ZDHHC19: variants seen among roughly 807,000 people sequenced by gnomAD.
The protein encoded by ZDHHC19 is palmitoyltransferase ZDHHC19.
In ZDHHC19, 30 loss-of-function variants were observed where a neutral mutation model predicts 33.9. The ratio of observed to expected loss-of-function variants is 0.88; its 90% CI spans 0.66 to 1.20. ZDHHC19 has a LOEUF of 1.20. ZDHHC19 is among the 50% of genes most tolerant of loss of function. ZDHHC19 has a pLI of 0.00. For synonymous variants in ZDHHC19, 178 were observed against 167.6 expected (o/e 1.06, Z -0.48); for missense variants, 364 against 401.1 (o/e 0.91, Z 0.79).
In ZDHHC19 at chr3:196,208,574, AGAG is replaced by A. The variant is rs1209454506; in HGVS notation, c.409-17_409-15del. ...GTGGTCAAAGTCCTGGGCGACAGGGAGAGGGGCCAGGCTTGAGGACTTCTCCTC... is the reference window on the plus strand; with the variant it reads ...GTGGTCAAAGTCCTGGGCGACAGGGAGGGCCAGGCTTGAGGACTTCTCCTC... On this transcript the variant is annotated splice_polypyrimidine_tract_variant and intron_variant, in intron 3 of 7. Transcript: ENST00000296326. 1 of 1,613,278 alleles carries A rather than the reference AGAG, an allele frequency of 6.2e-7. No homozygotes were observed. Among genetic ancestry groups the A allele is most frequent in the East Asian group, 2.2e-5 (1 of 44,858 alleles).
In ZDHHC19 at chr3:196,208,315, AT is replaced by A. The variant is rs1212097309; in HGVS notation, c.581+72del. On this transcript the variant is annotated intron_variant, in intron 4 of 7. Transcript: ENST00000296326. Reference sequence around the variant, plus strand: ...GGCTTCTCCCTCTAGCCCCGCCCCCATAGCCCCGCCCTCTGCAGCCCCCTCC... The same window carrying A: ...GGCTTCTCCCTCTAGCCCCGCCCCCAAGCCCCGCCCTCTGCAGCCCCCTCC... 4 of 895,990 alleles carry A rather than the reference AT, an allele frequency of 4.5e-6. No individual in the cohort carries two copies. In the East Asian group the frequency reaches 1.9e-4, roughly 42 times the overall value. 55.5% of individuals were successfully genotyped at this position (895,990 alleles called of 1,614,324 possible).
At chr3:196,200,582 C>T (rs1245603059) in intron 5 of ZDHHC19, among the ~76,000 whole-genome samples, 2 of 150,382 alleles carry the variant, frequency 1.3e-5, no homozygotes, top group South Asian at 2.1e-4. Flanking sequence ...TCTCGATCTC[C>T]TGACCTCGTG....
rs1346828469 is a variant in ZDHHC19, at chr3:196,208,555, A to T, written c.414T>A (p.Phe138Leu). Residue 138 changes from phenylalanine (F) to leucine (L), a missense_variant, in exon 4 of 8, where the codon TTT becomes TTA. By Grantham distance (22) the Phe-to-Leu change is conservative. Transcript: ENST00000296326. ...CPWCNICVED[F>L]DHHCKWVNNC... ...TATTGACCCACTTGCAGTGGTGGTC[A>T]AAGTCCTGGGCGACAGGGAGAGGGG... The T allele has an allele frequency of 6.2e-7, 1 of 1,613,884 alleles. No individual in the cohort carries two copies. The highest frequency in any genetic ancestry group is 1.7e-5 in the Admixed American group (1 of 59,996).
chr3:196,206,484 C>G lies in ZDHHC19; in HGVS notation c.687+914G>C, dbSNP rs528071892. ...CCTCCCACCTCAGCCTCTGGAGTAG[C>G]TGGGACTAAAGGCACGTGCCACCGT... On this transcript the variant is annotated intron_variant, in intron 5 of 7. Coordinates refer to ENST00000296326, the MANE Select transcript of ZDHHC19 (RefSeq NM_001039617.2). 1.1e-4 allele frequency among the ~76,000 whole-genome samples: 17 copies of G among 151,876 alleles called. 1 individual carries two copies. The highest frequency in any genetic ancestry group is 5.9e-4 in the East Asian group (3 of 5,116).
At position 196,199,935 on chromosome 3, in the gene ZDHHC19, A is replaced by G. The variant is rs1257516320; in HGVS notation, c.688-1061T>C. ...ACTCCAGCCTGGGCGACAGAGCGAC[A>G]CTCTGGCTCAGAAAAAAGAAACTGG... On this transcript the variant is annotated intron_variant, in intron 5 of 7. Transcript: ENST00000296326. Among the ~76,000 whole-genome samples the G allele has an allele frequency of 2.0e-5, 3 of 151,828 alleles. No individual in the cohort carries two copies. In the East Asian group the frequency reaches 5.8e-4, roughly 29 times the overall value.
rs892626917 is a variant in ZDHHC19 at position 196,200,608 on chromosome 3, C to T, written c.688-1734G>A. Among the ~76,000 whole-genome samples the T allele has an allele frequency of 4.7e-5, 7 of 149,822 alleles. 1 individual carries two copies. The highest frequency in any genetic ancestry group is 1.7e-4 in the African/African-American group (7 of 40,378). On this transcript the variant is annotated intron_variant, in intron 5 of 7. Coordinates refer to ENST00000296326, the MANE Select transcript of ZDHHC19 (RefSeq NM_001039617.2). ...TGACCTCGTGATCCGCCCACCTTGG[C>T]CTCCCAAAGTGCTGGGATTACAAGC...
intron 3 of ZDHHC19, 193 bp from the exon 4 acceptor site, chr3:196,208,753 G>A: frequency 1.6e-6 from 1 of 638,920 alleles, no homozygotes; most frequent in Non-Finnish European, 2.7e-6. Flanking sequence ...GCACAGTTAG[G>A]ACTCTGGTAT....
chr3:196,205,949 G>A (rs1378723140), intron 5 of ZDHHC19, among the ~76,000 whole-genome samples: 1 of 151,678 alleles, frequency 6.6e-6, no homozygotes, highest in African/African-American at 2.4e-5. Context: ...GCAGGTGTGG[G>A]CCATGCACCC....
chr3:196,208,841 G>A, intron 3 of ZDHHC19: 1 of 450,694 alleles, frequency 2.2e-6, no homozygotes, highest in Non-Finnish European at 4.0e-6. Context: ...TGTAACTCTG[G>A]GCAGAACGTA....
intron 3 of ZDHHC19, 75 bp from the exon 4 acceptor site, chr3:196,208,635 C>T: frequency 6.5e-7 from 1 of 1,529,640 alleles, no homozygotes; most frequent in Non-Finnish European, 8.8e-7. Flanking sequence ...AATCCTGAGG[C>T]CCTCCCCCTG....
intron 5 of ZDHHC19, among the ~76,000 whole-genome samples, chr3:196,207,044 C>T (rs542587403): frequency 1.3e-5 from 2 of 152,152 alleles, no homozygotes. Context: ...CCTGAGTCTG[C>T]GCCACACAGC....
chr3:196,201,037 A>G (rs2108719417), intron 5 of ZDHHC19, among the ~76,000 whole-genome samples: 1 of 151,750 alleles, frequency 6.6e-6, no homozygotes, highest in Admixed American at 6.6e-5. Flanking sequence ...TGCTTAAAGG[A>G]ATGATGATCT....
chr3:196,199,035 ATCC>A (rs1722032897), intron 5 of ZDHHC19, 161 bp from the exon 6 acceptor site: 1 of 611,572 alleles, frequency 1.6e-6, no homozygotes, highest in East Asian at 2.9e-5. Flanking sequence ...CCACTGCCCC[ATCC>A]TCCTCCTCTT....
chr3:196,210,384 A>C (rs894666284), intron 2 of ZDHHC19, among the ~76,000 whole-genome samples: 1 of 30,554 alleles, frequency 3.3e-5, no homozygotes, highest in Non-Finnish European at 7.4e-5. Context: ...AAGAGAGAGG[A>C]AGGAAGGAAA....
chr3:196,202,833 C>G (rs763281013), intron 5 of ZDHHC19, among the ~76,000 whole-genome samples: 2 of 152,204 alleles, frequency 1.3e-5, no homozygotes, highest in African/African-American at 2.4e-5. Context: ...GGCAAGTGAG[C>G]ACTGCCGGCC....
chr3:196,198,678 G>A, intron 6 of ZDHHC19, 111 bp downstream of exon 6: 1 of 1,592,804 alleles, frequency 6.3e-7, no homozygotes, highest in Non-Finnish European at 8.5e-7. Context: ...AACCCCAGAG[G>A]AGCAGGAACA....
chr3:196,204,471 T>C (rs781327976), intron 5 of ZDHHC19, among the ~76,000 whole-genome samples: 22 of 152,192 alleles, frequency 1.4e-4, no homozygotes, highest in Non-Finnish European at 2.8e-4. Context: ...ATAGGCTCAA[T>C]GAAATTCCAG....
chr3:196,208,288 G>A (rs1722942363), intron 4 of ZDHHC19, 100 bp downstream of exon 4: 1 of 1,053,338 alleles, frequency 9.5e-7, no homozygotes, highest in Non-Finnish European at 1.3e-6. Flanking sequence ...GTCCTCCCAG[G>A]CGGCTTCTCC....
In ZDHHC19 at chr3:196,208,562, T is replaced by C. The variant is rs1722971741; in HGVS notation, c.409-2A>G. 1 of 1,613,804 alleles carries C rather than the reference T, an allele frequency of 6.2e-7. No homozygotes were observed. The highest frequency in any genetic ancestry group is 1.3e-5 in the African/African-American group (1 of 74,944). ...CCACTTGCAGTGGTGGTCAAAGTCC[T>C]GGGCGACAGGGAGAGGGGCCAGGCT... On this transcript the variant is annotated splice_acceptor_variant, in intron 3 of 7. Transcript: ENST00000296326. LOFTEE classifies it high-confidence loss of function.
Sources: gnomAD v4.1 joint callset for allele counts (sites outside exome capture counted in the v4.1 genomes callset) on GRCh38, gnomAD v4.1.1 for gene constraint, MANE v1.5 for transcripts, NCBI Gene and HGNC (gene_info 2026-07-23, HGNC 2026-07-21) for gene names.